Variants in ACTL8 observed in about 807,000 individuals in gnomAD.
The protein encoded by ACTL8 is actin like 8.
In ACTL8, 3 loss-of-function variants were observed where a neutral mutation model predicts 9.3. That is an observed-to-expected ratio of 0.32 (90% CI 0.15 to 0.83). ACTL8 has a LOEUF of 0.83. ACTL8 is among the 40% of genes least tolerant of loss of function. The probability of loss-of-function intolerance (pLI) is 0.57; values close to 1 mark genes in which losing one functional copy is unlikely to be tolerated. For missense variants in ACTL8, 381 were observed against 492.2 expected, an observed-to-expected ratio of 0.77 and a Z score of 2.14; for synonymous variants, 224 against 205.9, an observed-to-expected ratio of 1.09 and a Z score of -0.75.
rs561286404 is a variant in ACTL8 at position 17,773,643 on chromosome 1, G to T, written c.-25+18139G>T. Among the ~76,000 whole-genome samples, 3 of 152,308 alleles carry T rather than the reference G, an allele frequency of 2.0e-5. No individual in the cohort carries two copies. The South Asian group carries it at 6.2e-4, about 32-fold the overall frequency. ...AGCAATTTAGCCTGATGAAGAGGAG[G>T]CGGGGCTGCAAGGCTCACATTTCTG... On this transcript the variant is annotated intron_variant, in intron 1 of 2. Coordinates refer to ENST00000375406, the MANE Select transcript of ACTL8 (RefSeq NM_030812.3).
chr1:17,766,940 AACAG>A (rs1318031762), intron 1 of ACTL8, among the ~76,000 whole-genome samples: 2 of 152,286 alleles, frequency 1.3e-5, no homozygotes, highest in East Asian at 3.9e-4. Context: ...TCCTGGGCAA[AACAG>A]ACAAAGTTTT....
intron 1 of ACTL8, among the ~76,000 whole-genome samples, chr1:17,768,293 C>T (rs187223194): frequency 2.4e-5 from 2 of 83,530 alleles, no homozygotes; most frequent in Non-Finnish European, 6.4e-5. Flanking sequence ...AATCCATGTA[C>T]CCAGAGAGAG....
In ACTL8 at chr1:17,823,043, C is replaced by A. The variant is rs1169372922; in HGVS notation, c.35C>A (p.Ser12Tyr). Residue 12 changes from serine to tyrosine, a missense_variant, in exon 2 of 3, where the codon TCT (serine) becomes TAT (tyrosine). Transcript: ENST00000375406. This position sits in a 1 kb window ranked among gnomAD's most constrained non-coding sequence, Gnocchi z 5.3. ...AGAACCGTTATCATTGACCACGGGT[C>A]TGGCTTTTTGAAGGCTGGCACGGCC... ...AARTVIIDHG[S>Y]GFLKAGTAGW... 6.2e-7 allele frequency: 1 copy of A among 1,614,050 alleles called. No individual in the cohort carries two copies. The highest frequency in any genetic ancestry group is 8.5e-7 in the Non-Finnish European group (1 of 1,180,036).
rs186071182 is a variant in ACTL8 at position 17,767,134 on chromosome 1, C to T, written c.-25+11630C>T. On this transcript the variant is annotated intron_variant, in intron 1 of 2. Coordinates refer to ENST00000375406, the MANE Select transcript of ACTL8 (RefSeq NM_030812.3). The surrounding 1 kb of genome is among the most constrained non-coding windows in gnomAD (Gnocchi z 4.7). ...GCAGACACCTGAGGGGGAAGCGAGA[C>T]GGGTGAGCATCATGAAGAAGGGGTT... Among the ~76,000 whole-genome samples, 12 of 152,160 alleles carry T rather than the reference C, an allele frequency of 7.9e-5. No homozygotes were observed. Among genetic ancestry groups the T allele is most frequent in the East Asian group, 5.8e-4 (3 of 5,156 alleles).
intron 1 of ACTL8, among the ~76,000 whole-genome samples, chr1:17,803,583 G>A (rs898053192): frequency 1.7e-4 from 26 of 152,174 alleles, no homozygotes; most frequent in Admixed American, 1.4e-3. Flanking sequence ...CATGTGCCTC[G>A]GCCTCTGAAA....
At chr1:17,772,067 C>G (rs1419365252) in intron 1 of ACTL8, among the ~76,000 whole-genome samples, 1 of 152,146 alleles carries the variant, frequency 6.6e-6, no homozygotes. Flanking sequence ...CGCTGTGGAC[C>G]TTGTGCAGTG....
chr1:17,786,872 GT>G (rs111871792), intron 1 of ACTL8, among the ~76,000 whole-genome samples: 6 of 147,358 alleles, frequency 4.1e-5, no homozygotes, highest in South Asian at 2.2e-4. Context: ...TTTTTTAAAT[GT>G]TTTTTTTTTG....
At chr1:17,820,799 A>G (rs1481899629) in intron 1 of ACTL8, among the ~76,000 whole-genome samples, 1 of 151,272 alleles carries the variant, frequency 6.6e-6, no homozygotes, top group Non-Finnish European at 1.5e-5. Flanking sequence ...CTGGTCTTGA[A>G]CTCCTGACCT....
At chr1:17,783,555 A>T (rs2066172957) in intron 1 of ACTL8, among the ~76,000 whole-genome samples, 1 of 152,144 alleles carries the variant, frequency 6.6e-6, no homozygotes. Context: ...GAGGAAAAGG[A>T]GTTCCATTCC....
At chr1:17,762,479 A>G (rs1350255385) in intron 1 of ACTL8, among the ~76,000 whole-genome samples, 1 of 152,020 alleles carries the variant, frequency 6.6e-6, no homozygotes, top group Non-Finnish European at 1.5e-5. Flanking sequence ...AAAGGCTCAC[A>G]CCTGGGCCGG....
In ACTL8 at chr1:17,826,035, T is replaced by C; in HGVS notation, c.617T>C (p.Val206Ala). ...RCLFQLETVA[V>A]TQMNKCYVPQ... is the part of the protein sequence containing the mutation. ...CTGTTTCAGCTGGAGACAGTCGCCG[T>C]GACTCAGATGAACAAGTGCTACGTG... Residue 206 changes from valine (V) to alanine (A), a missense_variant, in exon 3 of 3, where the codon GTG (valine) becomes GCG (alanine). Val to Ala is a moderately conservative substitution (Grantham distance 64). Around this residue, in one of 3 missense-constraint regions of ACTL8, gnomAD observed 243 missense variants for 276.2 expected, o/e 0.88. Transcript: ENST00000375406. This position sits in a 1 kb window ranked among gnomAD's most constrained non-coding sequence, Gnocchi z 4.5. 6.2e-7 allele frequency: 1 copy of C among 1,606,512 alleles called. No individual in the cohort carries two copies. Among genetic ancestry groups the C allele is most frequent in the African/African-American group, 1.3e-5 (1 of 75,060 alleles).
In ACTL8 at chr1:17,773,866, C is replaced by G. The variant is rs1202787629; in HGVS notation, c.-25+18362C>G. On this transcript the variant is annotated intron_variant, in intron 1 of 2. Coordinates refer to ENST00000375406, the MANE Select transcript of ACTL8 (RefSeq NM_030812.3). ...ATTAACAGGATTTCTGAGCTTCCGT[C>G]TTCTACTTTGCGAAGGGAGGGAGAA... Among the ~76,000 whole-genome samples the G allele has an allele frequency of 2.0e-5, 3 of 152,358 alleles. No individual in the cohort carries two copies. The East Asian group carries it at 5.8e-4, about 29-fold the overall frequency.
intron 1 of ACTL8, among the ~76,000 whole-genome samples, chr1:17,800,943 C>T (rs183760872): frequency 1.4e-3 from 216 of 152,182 alleles, no homozygotes; most frequent in African/African-American, 4.9e-3. Flanking sequence ...CAGCTAAGGG[C>T]GGCATTTGCT....
chr1:17,804,571 C>T (rs566587133), intron 1 of ACTL8, among the ~76,000 whole-genome samples: 2 of 152,168 alleles, frequency 1.3e-5, no homozygotes, highest in South Asian at 4.2e-4. Flanking sequence ...CAGCCACCAC[C>T]CAGCTGGTCG....
At chr1:17,824,958 CT>C (rs2053701447) in intron 2 of ACTL8, among the ~76,000 whole-genome samples, 1 of 151,722 alleles carries the variant, frequency 6.6e-6, no homozygotes, top group Admixed American at 6.6e-5. Flanking sequence ...AGACGATGGG[CT>C]TGTGGGGGCT....
Position 17,763,264 on chromosome 1 carries a change from G to A in ACTL8, c.-25+7760G>A, listed in dbSNP as rs189827784. On this transcript the variant is annotated intron_variant, in intron 1 of 2. Coordinates refer to ENST00000375406, the MANE Select transcript of ACTL8 (RefSeq NM_030812.3). ...GGTGGGCTGGGGAGCGGGAGTGTGT[G>A]GGGGCTGTGTTGATGCACCCCTGTG... 1.9e-4 allele frequency among the ~76,000 whole-genome samples: 29 copies of A among 151,508 alleles called. 1 individual carries two copies. The highest frequency in any genetic ancestry group is 7.0e-4 in the African/African-American group (29 of 41,378).
intron 1 of ACTL8, among the ~76,000 whole-genome samples, chr1:17,809,262 A>G (rs1263025885): frequency 1.3e-5 from 2 of 152,138 alleles, no homozygotes; most frequent in East Asian, 3.8e-4. Flanking sequence ...TATGGTAATA[A>G]GTGCTATGAC....
At chr1:17,755,632 G>C (rs2065963041) in intron 1 of ACTL8, 128 bp downstream of exon 1, 1 of 151,810 alleles carries the variant, frequency 6.6e-6, no homozygotes, top group African/African-American at 2.4e-5. Flanking sequence ...AGCCCCCAAG[G>C]GTTTGTGTGT....
intron 1 of ACTL8, among the ~76,000 whole-genome samples, chr1:17,768,507 G>C (rs2066062020): frequency 6.6e-6 from 1 of 152,226 alleles, no homozygotes; most frequent in South Asian, 2.1e-4. Context: ...AGCCACACAT[G>C]TGAGCTGTGT....
Sources: gnomAD v4.1 joint callset for allele counts (sites outside exome capture counted in the v4.1 genomes callset) on GRCh38, gnomAD v4.1.1 for gene constraint, gnomAD v4.1.1 regional missense constraint, Gnocchi (gnomAD v3.1) non-coding constraint, MANE v1.5 for transcripts, NCBI Gene and HGNC (gene_info 2026-07-23, HGNC 2026-07-21) for gene names.